KLHL29: variants seen among roughly 807,000 people sequenced by gnomAD.
KLHL29 encodes the protein kelch like family member 29, also known as kelch-like protein 29.
Under a neutral mutation model 80.4 loss-of-function variants are expected in KLHL29, and 21 were observed. The ratio of observed to expected loss-of-function variants is 0.26; its 90% CI spans 0.19 to 0.38. KLHL29 has a LOEUF of 0.38. KLHL29 is among the 10% of genes least tolerant of loss of function. The probability of loss-of-function intolerance (pLI) is 1.00; values close to 1 mark genes in which losing one functional copy is unlikely to be tolerated. For missense variants in KLHL29, 867 were observed against 1,223.9 expected (o/e 0.71, Z 4.35); for synonymous variants, 511 against 526.8 (o/e 0.97, Z 0.41).
chr2:23,488,438 C>T (rs1340658128), intron 2 of KLHL29, among the ~76,000 whole-genome samples: 2 of 152,182 alleles, frequency 1.3e-5, no homozygotes, highest in Non-Finnish European at 2.9e-5. Context: ...ACTATGGGGC[C>T]TTGGAGGGCT....
chr2:23,617,231 G>A (rs2280122), intron 3 of KLHL29: 53,513 of 152,070 alleles, frequency 0.35, 10,301 homozygotes, highest in East Asian at 0.63. Flanking sequence ...GCCCTCTTGG[G>A]ATCACCAGGC....
intron 1 of KLHL29, among the ~76,000 whole-genome samples, chr2:23,417,523 C>T (rs1225393007): frequency 2.6e-5 from 4 of 152,174 alleles, no homozygotes; most frequent in Non-Finnish European, 5.9e-5. Context: ...CCATGCAGTA[C>T]GCACTGCGCG....
intron 1 of KLHL29, among the ~76,000 whole-genome samples, chr2:23,402,943 TTA>T (rs1487083897): frequency 2.0e-5 from 3 of 150,378 alleles, no homozygotes; most frequent in Non-Finnish European, 4.4e-5. Context: ...ATATATAATC[TTA>T]TATGTGTATG....
In KLHL29 at chr2:23,406,327, C is replaced by CAAA. The variant is rs776095410; in HGVS notation, c.-154+20561_-154+20563dup. ...TGGGCGACAAAGCAAGACTCCATCTCAAAAAAAAAAAAAAAAGAAAAGAAA... is the reference window on the plus strand; with the variant it reads ...TGGGCGACAAAGCAAGACTCCATCTCAAAAAAAAAAAAAAAAAAAGAAAAGAAA... On this transcript the variant is annotated intron_variant, in intron 1 of 13. Transcript: ENST00000486442. Among the ~76,000 whole-genome samples the CAAA allele has an allele frequency of 1.8e-3, 80 of 45,404 alleles. 4 individuals carry two copies. Among genetic ancestry groups the CAAA allele is most frequent in the African/African-American group, 4.9e-3 (64 of 13,110 alleles). The allele number at this position is 45,404 out of a possible 152,430, so 29.8% of individuals were successfully genotyped here.
chr2:23,512,109 A>C (rs1210270065), intron 2 of KLHL29, among the ~76,000 whole-genome samples: 1 of 152,220 alleles, frequency 6.6e-6, no homozygotes, highest in African/African-American at 2.4e-5. Flanking sequence ...TGACCTCAGC[A>C]AATGACCTAA....
At chr2:23,526,192 TGTGCAGTCTGGCAGGGGATGCCCAC>T (rs2103474111) in intron 2 of KLHL29, among the ~76,000 whole-genome samples, 2 of 152,026 alleles carry the variant, frequency 1.3e-5, no homozygotes, top group South Asian at 4.2e-4. Context: ...CTGCATGGAG[TGTGCAGTCTGGCAGGGGATGCCCAC>T]GTGCAGTCGT....
At chr2:23,541,105 C>T (rs937784558) in intron 2 of KLHL29, among the ~76,000 whole-genome samples, 2 of 152,224 alleles carry the variant, frequency 1.3e-5, no homozygotes, top group Non-Finnish European at 2.9e-5. Context: ...ATGGATCAGA[C>T]AAAATGCAGA....
At chr2:23,705,436 G>T in intron 13 of KLHL29, among the ~76,000 whole-genome samples, 1 of 151,898 alleles carries the variant, frequency 6.6e-6, no homozygotes. Context: ...AGGTTGCAGT[G>T]AGCTGAGATC....
intron 5 of KLHL29, among the ~76,000 whole-genome samples, chr2:23,661,340 T>TAAAAAAAAA (rs11483622): frequency 2.1e-4 from 28 of 134,890 alleles, no homozygotes; most frequent in African/African-American, 4.3e-4. Context: ...AGACCCTGTC[T>TAAAAAAAAA]AAAAAAAAAA....
At chr2:23,663,016 C>T (rs1670455596) in intron 5 of KLHL29, among the ~76,000 whole-genome samples, 1 of 152,198 alleles carries the variant, frequency 6.6e-6, no homozygotes, top group South Asian at 2.1e-4. Flanking sequence ...GGCAATCTGT[C>T]ATAGAGCTGC....
At chr2:23,586,595 A>G (rs1668125247) in intron 3 of KLHL29, among the ~76,000 whole-genome samples, 1 of 152,096 alleles carries the variant, frequency 6.6e-6, no homozygotes, top group Non-Finnish European at 1.5e-5. Flanking sequence ...TCCTGACCTC[A>G]GGTGATCCGT....
intron 2 of KLHL29, among the ~76,000 whole-genome samples, chr2:23,476,622 A>G (rs969246978): frequency 6.6e-6 from 1 of 152,222 alleles, no homozygotes; most frequent in African/African-American, 2.4e-5. Context: ...AGCATACATG[A>G]TTCACTTAAT....
At chr2:23,514,226 T>G (rs1047601554) in intron 2 of KLHL29, among the ~76,000 whole-genome samples, 1 of 152,084 alleles carries the variant, frequency 6.6e-6, no homozygotes, top group Non-Finnish European at 1.5e-5. Flanking sequence ...AGCAAGAAAA[T>G]GCAGTTGCCT....
At chr2:23,649,138 G>C (rs574734966) in intron 5 of KLHL29, among the ~76,000 whole-genome samples, 1 of 152,278 alleles carries the variant, frequency 6.6e-6, no homozygotes, top group East Asian at 1.9e-4. Context: ...TTTAAAGCAA[G>C]GTTGTCCAAA....
Position 23,479,960 on chromosome 2 carries a change from C to T in KLHL29, c.-46+4293C>T, listed in dbSNP as rs527998636. Among the ~76,000 whole-genome samples, 36 of 152,350 alleles carry T rather than the reference C, an allele frequency of 2.4e-4. No homozygotes were observed. In the East Asian group the frequency reaches 6.0e-3, roughly 25 times the overall value. The stretch of plus-strand genomic sequence containing the variant: ...ACCGACAGTGTGTCCTCATAAGCAG[C>T]GTGGTGGCAGGGAACCTGGGATTGG... On this transcript the variant is annotated intron_variant, in intron 2 of 13. Transcript: ENST00000486442.
chr2:23,611,984 G>A (rs747193930), intron 3 of KLHL29, among the ~76,000 whole-genome samples: 6 of 152,064 alleles, frequency 3.9e-5, no homozygotes, highest in Non-Finnish European at 5.9e-5. Context: ...AGGCGGGGAG[G>A]TGGGGCAGTA....
At chr2:23,601,911 G>T (rs1668581033) in intron 3 of KLHL29, among the ~76,000 whole-genome samples, 1 of 152,214 alleles carries the variant, frequency 6.6e-6, no homozygotes, top group Admixed American at 6.5e-5. Flanking sequence ...GTAGTGGAGG[G>T]CTCAGTTAAT....
At chr2:23,689,418 G>C (rs1671439401) in intron 6 of KLHL29, 1 of 152,446 alleles carries the variant, frequency 6.6e-6, no homozygotes, top group East Asian at 1.9e-4. Context: ...AGCCATGTGA[G>C]TCCCATCGCA....
At chr2:23,624,349 G>A (rs1005354390) in intron 3 of KLHL29, among the ~76,000 whole-genome samples, 1 of 152,106 alleles carries the variant, frequency 6.6e-6, no homozygotes, top group African/African-American at 2.4e-5. Context: ...TTAAAACAGG[G>A]CTTCAGCTGC....
Sources: allele counts gnomAD v4.1 joint callset (sites outside exome capture counted in the v4.1 genomes callset), GRCh38; gene constraint gnomAD v4.1.1; transcripts MANE v1.5; gene names NCBI Gene and HGNC (gene_info 2026-07-23, HGNC 2026-07-21).